The following SGCZ variants were observed in gnomAD, a reference collection of about 807,000 sequenced individuals.
The protein encoded by SGCZ is zeta-sarcoglycan.
Under a neutral mutation model 41.3 loss-of-function variants are expected in SGCZ, and 40 were observed. The ratio of observed to expected loss-of-function variants is 0.97; its 90% CI spans 0.75 to 1.26. SGCZ has a LOEUF of 1.26. Ranked by LOEUF, SGCZ falls within the 50% of genes most tolerant of loss-of-function variation. The pLI, the probability that SGCZ is intolerant of heterozygous loss-of-function variation, is 0.00. For missense variants in SGCZ, 552 were observed against 369.8 expected (o/e 1.49, Z -4.04); for synonymous variants, 206 against 137.5 (o/e 1.50, Z -3.49).
intron 1 of SGCZ, among the ~76,000 whole-genome samples, chr8:15,112,735 G>A (rs568525986): frequency 1.3e-5 from 2 of 152,192 alleles, no homozygotes; most frequent in South Asian, 2.1e-4. Context: ...TCAGCTAACC[G>A]CTAGCACCAA....
At chr8:14,587,037 A>G (rs1195103310) in intron 1 of SGCZ, among the ~76,000 whole-genome samples, 1 of 151,804 alleles carries the variant, frequency 6.6e-6, no homozygotes, top group East Asian at 1.9e-4. Flanking sequence ...TAAAAAAAAA[A>G]CAAAATAAAC....
At position 14,108,146 on chromosome 8, in the gene SGCZ, T is replaced by C. The variant is rs1442918945; in HGVS notation, c.620+17A>G. 6.2e-7 allele frequency: 1 copy of C among 1,612,852 alleles called. No individual in the cohort carries two copies. On this transcript the variant is annotated intron_variant, in intron 6 of 7. Coordinates refer to ENST00000382080, the MANE Select transcript of SGCZ (RefSeq NM_139167.4). ...AATGATGGATTTTATGCCACAGGTA[T>C]AAGAGGAAGCCCTTACCTGAGATCT...
rs1413821522 is a variant in SGCZ at position 14,867,755 on chromosome 8, G to A, written c.40-312829C>T. Among the ~76,000 whole-genome samples the A allele has an allele frequency of 2.0e-5, 3 of 152,018 alleles. 1 individual carries two copies. The South Asian group carries it at 6.2e-4, about 31-fold the overall frequency. ...ACCGAGGGGAACAACACACACTGGG[G>A]CCTCTTGGAGGGTGGAGAGTGGGAG... On this transcript the variant is annotated intron_variant, in intron 1 of 7. Transcript: ENST00000382080.
At chr8:14,461,130 G>T (rs778445810) in intron 2 of SGCZ, among the ~76,000 whole-genome samples, 6 of 151,978 alleles carry the variant, frequency 3.9e-5, no homozygotes, top group Non-Finnish European at 8.8e-5. Context: ...AGGTTCCTTC[G>T]CAGGGCTGCT....
chr8:14,462,235 G>A (rs1445642789), intron 2 of SGCZ, among the ~76,000 whole-genome samples: 1 of 151,402 alleles, frequency 6.6e-6, no homozygotes, highest in East Asian at 2.0e-4. Context: ...CTAAATATAA[G>A]CAACTAACTA....
chr8:14,741,000 C>A (rs560696973), intron 1 of SGCZ, among the ~76,000 whole-genome samples: 24 of 152,188 alleles, frequency 1.6e-4, no homozygotes, highest in African/African-American at 5.5e-4. Flanking sequence ...AAATAATTGG[C>A]ACCTTTAATT....
intron 1 of SGCZ, among the ~76,000 whole-genome samples, chr8:14,954,465 T>C (rs1045254096): frequency 6.6e-6 from 1 of 152,156 alleles, no homozygotes; most frequent in Non-Finnish European, 1.5e-5. Flanking sequence ...GCACAGGAGT[T>C]GCAGCTTGTT....
intron 3 of SGCZ, among the ~76,000 whole-genome samples, chr8:14,307,971 A>G (rs561614707): frequency 6.6e-6 from 1 of 152,260 alleles, no homozygotes; most frequent in Admixed American, 6.5e-5. Context: ...GGGTGAAGAC[A>G]TTAAGCAAAT....
chr8:14,813,344 T>G (rs2130543962), intron 1 of SGCZ, among the ~76,000 whole-genome samples: 1 of 152,298 alleles, frequency 6.6e-6, no homozygotes, highest in African/African-American at 2.4e-5. Flanking sequence ...ATCTGAATGT[T>G]AATTGACCCA....
Position 14,108,168 on chromosome 8 carries a change from A to G in SGCZ, c.615T>C (p.Asp205=). The change falls in exon 6 of 8, where the codon GAT becomes GAC. Residue 205 remains aspartate (D), a synonymous_variant. Transcript: ENST00000382080. The part of the protein sequence containing the change: ...TPHIRAEPSQ[D]LRLESPTRSL... ...GTATAAGAGGAAGCCCTTACCTGAG[A>G]TCTTGGGATGGCTCTGCTCTGATGT... The G allele has an allele frequency of 6.2e-7, 1 of 1,614,038 alleles. No individual in the cohort carries two copies.
intron 1 of SGCZ, among the ~76,000 whole-genome samples, chr8:14,604,541 T>G (rs1469594408): frequency 6.6e-6 from 1 of 152,162 alleles, no homozygotes; most frequent in Admixed American, 6.5e-5. Context: ...CAATGTACAC[T>G]GACTTTTAGA....
chr8:14,569,277 A>T (rs1804477482), intron 1 of SGCZ, among the ~76,000 whole-genome samples: 1 of 152,268 alleles, frequency 6.6e-6, no homozygotes, highest in South Asian at 2.1e-4. Flanking sequence ...TGATGCTTAG[A>T]TCTTATATTC....
intron 2 of SGCZ, among the ~76,000 whole-genome samples, chr8:14,391,133 G>A (rs1223108419): frequency 6.6e-6 from 1 of 152,070 alleles, no homozygotes; most frequent in Non-Finnish European, 1.5e-5. Flanking sequence ...CTTAATTAAG[G>A]CTCTAGGGGT....
chr8:14,601,586 G>C (rs17119876), intron 1 of SGCZ, among the ~76,000 whole-genome samples: 19,617 of 152,122 alleles, frequency 0.13, 1,398 homozygotes, highest in African/African-American at 0.19. Flanking sequence ...AATACGTAGA[G>C]CATACAAGTT....
chr8:14,276,622 C>G (rs910522914), intron 3 of SGCZ, among the ~76,000 whole-genome samples: 4 of 152,122 alleles, frequency 2.6e-5, no homozygotes, highest in African/African-American at 9.7e-5. Context: ...TTGGACTGTT[C>G]TAAAAAATCC....
At chr8:15,011,522 C>T (rs1802826900) in intron 1 of SGCZ, among the ~76,000 whole-genome samples, 1 of 152,120 alleles carries the variant, frequency 6.6e-6, no homozygotes. Flanking sequence ...TTTAAGTTTA[C>T]CTCATTCATA....
At chr8:14,341,138 C>T (rs554902744) in intron 2 of SGCZ, among the ~76,000 whole-genome samples, 1 of 152,200 alleles carries the variant, frequency 6.6e-6, no homozygotes, top group South Asian at 2.1e-4. Context: ...TAATATTATG[C>T]TATCTGTATA....
intron 2 of SGCZ, among the ~76,000 whole-genome samples, chr8:14,518,377 A>G (rs1802688724): frequency 6.6e-6 from 1 of 152,116 alleles, no homozygotes; most frequent in African/African-American, 2.4e-5. Flanking sequence ...ACACGTATAA[A>G]ATAAATATTA....
intron 1 of SGCZ, among the ~76,000 whole-genome samples, chr8:15,046,241 G>A (rs1269183224): frequency 6.6e-6 from 1 of 151,926 alleles, no homozygotes; most frequent in African/African-American, 2.4e-5. Context: ...ATATACCATG[G>A]AACACTGAAG....
Sources: allele counts gnomAD v4.1 joint callset (sites outside exome capture counted in the v4.1 genomes callset), GRCh38; gene constraint gnomAD v4.1.1; transcripts MANE v1.5; gene names NCBI Gene and HGNC (gene_info 2026-07-23, HGNC 2026-07-21).